MYOF: variants seen among roughly 807,000 people sequenced by gnomAD.
The protein encoded by MYOF is myoferlin.
Under a neutral mutation model 284.2 loss-of-function variants are expected in MYOF, and 244 were observed. The ratio of observed to expected loss-of-function variants is 0.86; its 90% confidence interval spans 0.77 to 0.95. The LOEUF (loss-of-function observed/expected upper bound fraction) is 0.95, where lower values mean the gene tolerates loss of function less well. Among genes scored for constraint, MYOF ranks in the 40% least tolerant of loss-of-function variants. The pLI, the probability that MYOF is intolerant of heterozygous loss-of-function variation, is 0.00. For synonymous variants in MYOF, 904 were observed against 919.7 expected, an observed-to-expected ratio of 0.98 and a Z score of 0.31; for missense variants, 2,496 against 2,560.6, an observed-to-expected ratio of 0.97 and a Z score of 0.54.
intron 1 of MYOF, among the ~76,000 whole-genome samples, chr10:93,473,640 A>G (rs894390320): frequency 1.3e-5 from 2 of 152,188 alleles, no homozygotes; most frequent in African/African-American, 2.4e-5. Context: ...GGCTCTTGTG[A>G]GGTCTGTGAT....
At chr10:93,444,171 G>T (rs1220322327) in intron 3 of MYOF, among the ~76,000 whole-genome samples, 2 of 152,234 alleles carry the variant, frequency 1.3e-5, no homozygotes, top group Non-Finnish European at 2.9e-5. Context: ...TTACCAGTGA[G>T]CTGACAGGAC....
chr10:93,337,093 C>T (rs1451419109), intron 40 of MYOF, among the ~76,000 whole-genome samples: 3 of 150,092 alleles, frequency 2.0e-5, no homozygotes, highest in African/African-American at 4.9e-5. Context: ...ATTTCTTAAG[C>T]TACACTGAGA....
intron 30 of MYOF, 123 bp downstream of exon 30, chr10:93,356,552 A>C: frequency 5.7e-6 from 6 of 1,055,492 alleles, no homozygotes; most frequent in Non-Finnish European, 8.3e-6. Context: ...TCAACCTGTT[A>C]ATATTTGCCA....
chr10:93,466,400 TC>T (rs954756980), intron 1 of MYOF, among the ~76,000 whole-genome samples: 8 of 152,148 alleles, frequency 5.3e-5, no homozygotes, highest in African/African-American at 1.9e-4. Context: ...TGCTCCCCTC[TC>T]CACACCCAGT....
chr10:93,336,747 A>G (rs914965234), intron 40 of MYOF, among the ~76,000 whole-genome samples: 3 of 151,806 alleles, frequency 2.0e-5, no homozygotes, highest in African/African-American at 7.3e-5. Flanking sequence ...GCAAGAAGGG[A>G]AGAGGATGAA....
chr10:93,365,738 T>C (rs1845295075), intron 26 of MYOF, among the ~76,000 whole-genome samples: 1 of 152,178 alleles, frequency 6.6e-6, no homozygotes, highest in Non-Finnish European at 1.5e-5. Context: ...ACTACCTTTG[T>C]TATGGGCTAT....
chr10:93,466,902 C>T (rs2057021260), intron 1 of MYOF, among the ~76,000 whole-genome samples: 1 of 152,088 alleles, frequency 6.6e-6, no homozygotes, highest in African/African-American at 2.4e-5. Context: ...CACTTGAGCC[C>T]TAGAGATCAA....
chr10:93,333,075 T>C, intron 43 of MYOF, 146 bp downstream of exon 43: 1 of 681,012 alleles, frequency 1.5e-6, no homozygotes. Flanking sequence ...GTTTATCTAT[T>C]TATTACCTGC....
chr10:93,403,723 T>C (rs1447880546), intron 9 of MYOF, among the ~76,000 whole-genome samples: 1 of 152,234 alleles, frequency 6.6e-6, no homozygotes, highest in Non-Finnish European at 1.5e-5. Context: ...TGGAGGTAGA[T>C]GGTGGACTTC....
At chr10:93,330,321 A>G (rs1843243119) in intron 43 of MYOF, among the ~76,000 whole-genome samples, 1 of 152,150 alleles carries the variant, frequency 6.6e-6, no homozygotes, top group East Asian at 1.9e-4. Context: ...GAGCACCTCC[A>G]CCCAGCTCAG....
intron 3 of MYOF, among the ~76,000 whole-genome samples, chr10:93,445,579 AGAG>A (rs1235374912): frequency 6.6e-6 from 1 of 152,204 alleles, no homozygotes; most frequent in Non-Finnish European, 1.5e-5. Flanking sequence ...AAAGTGAGGA[AGAG>A]GAGAGTCCAC....
intron 1 of MYOF, among the ~76,000 whole-genome samples, chr10:93,459,217 A>C: frequency 6.6e-6 from 1 of 151,314 alleles, no homozygotes; most frequent in East Asian, 1.9e-4. Flanking sequence ...TTTTGACCCC[A>C]CCCTTCCCTC....
intron 2 of MYOF, 68 bp from the exon 3 acceptor site, chr10:93,452,209 A>T: frequency 1.1e-6 from 1 of 923,648 alleles, no homozygotes; most frequent in Non-Finnish European, 1.8e-6. Context: ...GATTACACTA[A>T]GATGCACCAG....
At chr10:93,396,091 T>C in intron 16 of MYOF, 51 bp downstream of exon 16, 2 of 1,431,854 alleles carry the variant, frequency 1.4e-6, no homozygotes, top group South Asian at 2.6e-5. Flanking sequence ...TTTCTCAGAC[T>C]GGAGAAAAGT....
At chr10:93,395,315 C>T (rs886216784) in intron 16 of MYOF, among the ~76,000 whole-genome samples, 9 of 152,098 alleles carry the variant, frequency 5.9e-5, no homozygotes, top group Admixed American at 3.3e-4. Context: ...TGGTGGCATG[C>T]GCCTGTAGTC....
chr10:93,433,117 T>A (rs891932124), intron 3 of MYOF, among the ~76,000 whole-genome samples: 8 of 152,174 alleles, frequency 5.3e-5, no homozygotes, highest in Non-Finnish European at 1.0e-4. Flanking sequence ...TCAGTATGTA[T>A]CCCGAAAACG....
chr10:93,424,218 G>A (rs78654564), intron 5 of MYOF, among the ~76,000 whole-genome samples: 1 of 152,226 alleles, frequency 6.6e-6, no homozygotes, highest in Non-Finnish European at 1.5e-5. Context: ...AGAAACGACA[G>A]TATGAAGAAA....
intron 45 of MYOF, 112 bp downstream of exon 45, chr10:93,328,651 C>T (rs1843161929): frequency 1.8e-6 from 2 of 1,141,216 alleles, no homozygotes; most frequent in East Asian, 2.4e-5. Context: ...CGTGCACAGT[C>T]TCATGTGGTA....
intron 3 of MYOF, among the ~76,000 whole-genome samples, chr10:93,444,783 C>T (rs1350189534): frequency 6.6e-6 from 1 of 152,222 alleles, no homozygotes; most frequent in African/African-American, 2.4e-5. Context: ...AATCTGAAAA[C>T]TTGTCAATAT....
Sources: allele counts gnomAD v4.1 joint callset (sites outside exome capture counted in the v4.1 genomes callset), GRCh38; gene constraint gnomAD v4.1.1; transcripts MANE v1.5; gene names NCBI Gene and HGNC (gene_info 2026-07-23, HGNC 2026-07-21).